Variants in CSMD1 observed in about 807,000 individuals in gnomAD.
CSMD1 encodes the protein CUB and Sushi multiple domains 1, also known as CUB and sushi domain-containing protein 1.
Under a neutral mutation model 417.5 loss-of-function variants are expected in CSMD1, and 213 were observed. That is an observed-to-expected ratio of 0.51 (90% CI 0.46 to 0.57). CSMD1 has a LOEUF of 0.57. CSMD1 is among the 20% of genes least tolerant of loss of function. The pLI, the probability that CSMD1 is intolerant of heterozygous loss-of-function variation, is 0.00. For missense variants in CSMD1, 6,923 were observed against 4,529.7 expected (o/e 1.53, Z -15.17); for synonymous variants, 2,862 against 1,736.8 (o/e 1.65, Z -16.11).
intron 6 of CSMD1, among the ~76,000 whole-genome samples, chr8:3,729,420 G>A (rs1230218009): frequency 6.6e-6 from 1 of 152,166 alleles, no homozygotes; most frequent in East Asian, 1.9e-4. Flanking sequence ...CTCTCTGCAT[G>A]TTAAAAGAGG....
chr8:4,414,444 A>G (rs1344625380), intron 3 of CSMD1, among the ~76,000 whole-genome samples: 1 of 152,180 alleles, frequency 6.6e-6, no homozygotes, highest in Non-Finnish European at 1.5e-5. Flanking sequence ...ATTAATAAAT[A>G]CTGATCCCTC....
At chr8:4,185,875 A>T (rs898485294) in intron 3 of CSMD1, among the ~76,000 whole-genome samples, 3 of 152,234 alleles carry the variant, frequency 2.0e-5, no homozygotes, top group African/African-American at 4.8e-5. Flanking sequence ...AGGCCTGAGT[A>T]CTAAGATCAC....
intron 5 of CSMD1, among the ~76,000 whole-genome samples, chr8:3,913,676 C>G (rs1330398742): frequency 6.6e-6 from 1 of 152,094 alleles, no homozygotes; most frequent in African/African-American, 2.4e-5. Context: ...ATCGAAATAT[C>G]AAGGATGCAA....
chr8:3,356,881 C>T (rs1423688190), intron 21 of CSMD1, among the ~76,000 whole-genome samples: 2 of 152,026 alleles, frequency 1.3e-5, no homozygotes, highest in Non-Finnish European at 2.9e-5. Context: ...AGAGTGATTG[C>T]TCTGATTAGT....
intron 3 of CSMD1, among the ~76,000 whole-genome samples, chr8:4,047,619 C>A (rs1798215935): frequency 6.6e-6 from 1 of 151,760 alleles, no homozygotes. Context: ...TTTTTCCAGG[C>A]ACTAGGAATG....
intron 1 of CSMD1, among the ~76,000 whole-genome samples, chr8:4,661,505 G>C (rs930268919): frequency 6.6e-6 from 1 of 152,142 alleles, no homozygotes; most frequent in Non-Finnish European, 1.5e-5. Context: ...GGAGGAACGT[G>C]AATGTGACTC....
intron 2 of CSMD1, among the ~76,000 whole-genome samples, chr8:4,635,860 C>A (rs1802783969): frequency 2.6e-5 from 4 of 151,914 alleles, no homozygotes; most frequent in Admixed American, 6.6e-5. Flanking sequence ...GGAAAGCTTA[C>A]CTGTTTCAGA....
chr8:4,441,759 C>G (rs541925870), intron 2 of CSMD1, among the ~76,000 whole-genome samples: 8 of 152,160 alleles, frequency 5.3e-5, no homozygotes, highest in Non-Finnish European at 1.0e-4. Context: ...GCATTGCAGT[C>G]CATTTGACTG....
At chr8:4,048,157 C>T (rs372443026) in intron 3 of CSMD1, among the ~76,000 whole-genome samples, 1 of 152,116 alleles carries the variant, frequency 6.6e-6, no homozygotes, top group African/African-American at 2.4e-5. Context: ...TGAATGTACG[C>T]AGTCAGACTT....
At chr8:4,065,767 G>A (rs75654548) in intron 3 of CSMD1, among the ~76,000 whole-genome samples, 1,551 of 152,224 alleles carry the variant, frequency 0.01, 24 homozygotes, top group African/African-American at 0.034. Flanking sequence ...AAATATTTGG[G>A]GAACTACAGC....
At chr8:3,868,143 C>A (rs767290217) in intron 5 of CSMD1, among the ~76,000 whole-genome samples, 3 of 152,036 alleles carry the variant, frequency 2.0e-5, no homozygotes, top group Non-Finnish European at 2.9e-5. Context: ...TGGCAGAAAT[C>A]ACAGCCCTAA....
At chr8:4,177,844 T>G in intron 3 of CSMD1, among the ~76,000 whole-genome samples, 1 of 151,602 alleles carries the variant, frequency 6.6e-6, no homozygotes, top group African/African-American at 2.4e-5. Flanking sequence ...AATGGATAAA[T>G]TCCTCGACAC....
intron 3 of CSMD1, among the ~76,000 whole-genome samples, chr8:4,287,848 C>A (rs1797147505): frequency 6.6e-6 from 1 of 152,002 alleles, no homozygotes; most frequent in Non-Finnish European, 1.5e-5. Context: ...AGAAGTGCCT[C>A]CCCTGTTCCT....
chr8:3,053,155 G>T (rs566738771), intron 49 of CSMD1, among the ~76,000 whole-genome samples: 1 of 152,232 alleles, frequency 6.6e-6, no homozygotes, highest in South Asian at 2.1e-4. Flanking sequence ...GTTAAATGAG[G>T]AACAATGGAA....
intron 1 of CSMD1, among the ~76,000 whole-genome samples, chr8:4,802,581 T>G (rs907639693): frequency 1.3e-5 from 2 of 152,168 alleles, no homozygotes; most frequent in Non-Finnish European, 1.5e-5. Flanking sequence ...GAGATCACAA[T>G]GTTTTTTTCT....
chr8:4,196,144 G>T (rs910745658), intron 3 of CSMD1, among the ~76,000 whole-genome samples: 23 of 152,116 alleles, frequency 1.5e-4, no homozygotes, highest in African/African-American at 5.6e-4. Flanking sequence ...CCGGGAAGTG[G>T]AGCTTGCAGG....
At chr8:3,864,965 A>T (rs906525065) in intron 5 of CSMD1, among the ~76,000 whole-genome samples, 2 of 152,200 alleles carry the variant, frequency 1.3e-5, no homozygotes, top group Non-Finnish European at 2.9e-5. Context: ...TTTTCCTTCC[A>T]GTTTTGGCAG....
chr8:4,767,643 T>C (rs1473964041), intron 1 of CSMD1, among the ~76,000 whole-genome samples: 1 of 152,206 alleles, frequency 6.6e-6, no homozygotes, highest in Non-Finnish European at 1.5e-5. Flanking sequence ...TCTTCGTCTT[T>C]CGTTATTCTA....
At chr8:4,512,327 C>A (rs549747211) in intron 2 of CSMD1, among the ~76,000 whole-genome samples, 3 of 152,144 alleles carry the variant, frequency 2.0e-5, no homozygotes, top group Admixed American at 1.3e-4. Context: ...AACCCTGCAG[C>A]TAACATTTTA....
Sources: gnomAD v4.1 joint callset for allele counts (sites outside exome capture counted in the v4.1 genomes callset) on GRCh38, gnomAD v4.1.1 for gene constraint, MANE v1.5 for transcripts, NCBI Gene and HGNC (gene_info 2026-07-23, HGNC 2026-07-21) for gene names.